GPR146: variants seen among roughly 807,000 people sequenced by gnomAD.
GPR146 encodes G-protein coupled receptor 146.
For synonymous variants in GPR146, 203 were observed against 104.3 expected (o/e 1.95, Z -5.77); for missense variants, 381 against 213.9 (o/e 1.78, Z -4.87).
At position 1,044,723 on chromosome 7, in the gene GPR146, G is replaced by A. The variant is rs368818160; in HGVS notation, c.-25+65G>A. 4 of 152,358 alleles carry A rather than the reference G, an allele frequency of 2.6e-5. No homozygotes were observed. The East Asian group carries it at 7.7e-4, about 29-fold the overall frequency. 9.4% of individuals were successfully genotyped at this position (152,358 alleles called of 1,614,324 possible). On this transcript the variant is annotated intron_variant, in intron 1 of 1. Coordinates refer to ENST00000444847, the MANE Select transcript of GPR146 (RefSeq NM_001303473.2). ...ACACCCCAGTCTCCGCCTGGGGAGGGAGCCAGCCCCAAGCTGCTGTGGCTC... is the reference window on the plus strand; with the variant it reads ...ACACCCCAGTCTCCGCCTGGGGAGGAAGCCAGCCCCAAGCTGCTGTGGCTC...
At chr7:1,050,891 T>C (rs926401956) in intron 1 of GPR146, among the ~76,000 whole-genome samples, 3 of 152,178 alleles carry the variant, frequency 2.0e-5, no homozygotes, top group Non-Finnish European at 2.9e-5. Context: ...GGAGAAACTC[T>C]ACCCCTGTCC....
intron 1 of GPR146, among the ~76,000 whole-genome samples, chr7:1,048,217 C>G (rs1182725554): frequency 6.6e-6 from 1 of 152,154 alleles, no homozygotes; most frequent in Non-Finnish European, 1.5e-5. Context: ...AGAGAGCACC[C>G]GGAAACTTCG....
At chr7:1,049,481 G>A (rs1416281621) in intron 1 of GPR146, among the ~76,000 whole-genome samples, 3 of 152,236 alleles carry the variant, frequency 2.0e-5, no homozygotes, top group African/African-American at 7.2e-5. Flanking sequence ...GTGCAAGCCA[G>A]GACTGGAAAA....
Position 1,057,728 on chromosome 7 carries a change from G to A in GPR146, c.213G>A (p.Val71=). ...ACGTGTACTTTGTCAACATGGCAGTGGCAGGCCTGGTGCTCAGCGCCCTGG... is the reference window on the plus strand; with the variant it reads ...ACGTGTACTTTGTCAACATGGCAGTAGCAGGCCTGGTGCTCAGCGCCCTGG... The part of the protein sequence containing the change: ...MPDVYFVNMA[V]AGLVLSALAP... The change falls in exon 2 of 2, where the codon GTG becomes GTA. Residue 71 remains valine (V), a synonymous_variant. Coordinates refer to ENST00000444847, the MANE Select transcript of GPR146 (RefSeq NM_001303473.2). The A allele has an allele frequency of 5.2e-6, 4 of 775,346 alleles. No homozygotes were observed. Among genetic ancestry groups the A allele is most frequent in the Non-Finnish European group, 7.2e-6 (3 of 417,532 alleles). 48.0% of individuals were successfully genotyped at this position (775,346 alleles called of 1,614,324 possible). A position where few individuals can be genotyped will look rare whatever the true frequency, so the allele number is the denominator to read the frequency against.
chr7:1,057,506 G>T lies in GPR146; in HGVS notation c.-10G>T. The T allele has an allele frequency of 1.3e-6, 1 of 759,268 alleles. No homozygotes were observed. Among genetic ancestry groups the T allele is most frequent in the Non-Finnish European group, 2.4e-6 (1 of 409,820 alleles). The allele number at this position is 759,268 out of a possible 1,614,324, so 47.0% of individuals were successfully genotyped here. A position where few individuals can be genotyped will look rare whatever the true frequency, so the allele number is the denominator to read the frequency against. On this transcript the variant is annotated 5_prime_UTR_variant, in exon 2 of 2. Transcript: ENST00000444847. ...TCTTTCCGCAGGGTCGCGGAGCCTCGCCGGCCGCCATGTGGAGCTGCAGCT... is the reference window on the plus strand; with the variant it reads ...TCTTTCCGCAGGGTCGCGGAGCCTCTCCGGCCGCCATGTGGAGCTGCAGCT...
Position 1,058,332 on chromosome 7 carries a change from C to T in GPR146, c.817C>T (p.Leu273=), listed in dbSNP as rs368354190. 2 of 777,902 alleles carry T rather than the reference C, an allele frequency of 2.6e-6. No individual in the cohort carries two copies. The highest frequency in any genetic ancestry group is 4.8e-6 in the Non-Finnish European group (2 of 418,102). The allele number at this position is 777,902 out of a possible 1,614,324, so 48.2% of individuals were successfully genotyped here. Residue 273 remains leucine, a synonymous_variant, in exon 2 of 2, where the codon CTA becomes TTA. Transcript: ENST00000444847. The stretch of plus-strand genomic sequence containing the variant: ...GCCCGTGGACGCACACTACCTGGGG[C>T]TACTGCACTTTGTGAAGGATTTCTC... ...GKPVDAHYLG[L]LHFVKDFSKL...
intron 1 of GPR146, among the ~76,000 whole-genome samples, chr7:1,047,153 G>A (rs1213087906): frequency 6.6e-6 from 1 of 152,234 alleles, no homozygotes; most frequent in Non-Finnish European, 1.5e-5. Context: ...ACAAAAGAAT[G>A]CTGTTCCACC....
intron 1 of GPR146, among the ~76,000 whole-genome samples, chr7:1,046,619 C>T (rs542033778): frequency 3.1e-4 from 47 of 152,240 alleles, no homozygotes; most frequent in African/African-American, 9.9e-4. Context: ...AGATGCTGCC[C>T]GGGACCAGAA....
At chr7:1,048,697 C>T (rs1000353609) in intron 1 of GPR146, among the ~76,000 whole-genome samples, 2 of 152,202 alleles carry the variant, frequency 1.3e-5, no homozygotes, top group Non-Finnish European at 1.5e-5. Context: ...AAGATGCCAA[C>T]GTCTCACTTG....
rs1782409722 is a variant in GPR146, at chr7:1,044,676, G to A, written c.-25+18G>A. 6.6e-6 allele frequency: 1 copy of A among 152,116 alleles called. No homozygotes were observed. Among genetic ancestry groups the A allele is most frequent in the South Asian group, 2.1e-4 (1 of 4,836 alleles). 9.4% of individuals were successfully genotyped at this position (152,116 alleles called of 1,614,324 possible). ...GCAAGCCGGTGAGTGGGGCCCGGGA[G>A]CCTGGGTCGGGTCGGTGGGGCACAC... On this transcript the variant is annotated intron_variant, in intron 1 of 1. Coordinates refer to ENST00000444847, the MANE Select transcript of GPR146 (RefSeq NM_001303473.2).
chr7:1,056,041 G>A (rs1223086611), intron 1 of GPR146: 1 of 153,440 alleles, frequency 6.5e-6, no homozygotes, highest in East Asian at 1.9e-4. Flanking sequence ...GCAGCAGGAG[G>A]GGAGAAGCCC....
intron 1 of GPR146, among the ~76,000 whole-genome samples, chr7:1,054,491 G>C (rs1357943191): frequency 6.6e-6 from 1 of 152,250 alleles, no homozygotes; most frequent in East Asian, 1.9e-4. Flanking sequence ...TCGAGAGCCG[G>C]TTCAGGGCGA....
rs201640274 is a variant in GPR146 at position 1,058,470 on chromosome 7, C to G, written c.955C>G (p.Arg319Gly). Residue 319 changes from arginine (R) to glycine (G), a missense_variant, in exon 2 of 2, where the codon CGG (arginine) becomes GGG (glycine). Coordinates refer to ENST00000444847, the MANE Select transcript of GPR146 (RefSeq NM_001303473.2). ...RLMKKLPCGD[R>G]HCSPDHMGVQ... Reference sequence around the variant, plus strand: ...GATGAAAAAGCTGCCCTGCGGGGACCGGCACTGCTCCCCGGACCACATGGG... The same window carrying G: ...GATGAAAAAGCTGCCCTGCGGGGACGGGCACTGCTCCCCGGACCACATGGG... 5.1e-6 allele frequency: 4 copies of G among 780,290 alleles called. No homozygotes were observed. The East Asian group carries it at 9.7e-5, about 19-fold the overall frequency. 48.3% of individuals were successfully genotyped at this position (780,290 alleles called of 1,614,324 possible). A position where few individuals can be genotyped will look rare whatever the true frequency, so the allele number is the denominator to read the frequency against.
At chr7:1,051,229 T>A (rs1279315752) in intron 1 of GPR146, among the ~76,000 whole-genome samples, 1 of 152,200 alleles carries the variant, frequency 6.6e-6, no homozygotes, top group Non-Finnish European at 1.5e-5. Context: ...CCATGAACAC[T>A]GTGTCCCAAC....
rs1021668895 is a variant in GPR146, at chr7:1,052,916, G to A, written c.-24-4576G>A. 1.3e-5 allele frequency among the ~76,000 whole-genome samples: 2 copies of A among 152,186 alleles called. No individual in the cohort carries two copies. The highest frequency in any genetic ancestry group is 2.4e-5 in the African/African-American group (1 of 41,442). On this transcript the variant is annotated intron_variant, in intron 1 of 1. Transcript: ENST00000444847. This position sits in a 1 kb window ranked among gnomAD's most constrained non-coding sequence, Gnocchi z 4.2. ...GCCGCCACAACAAACTCAGGCTTTCGTGTAGGAAAAGAGCCCACTTCTGAA... is the reference window on the plus strand; with the variant it reads ...GCCGCCACAACAAACTCAGGCTTTCATGTAGGAAAAGAGCCCACTTCTGAA...
intron 1 of GPR146, among the ~76,000 whole-genome samples, chr7:1,046,758 G>T (rs540570956): frequency 2.0e-5 from 3 of 152,292 alleles, no homozygotes; most frequent in South Asian, 2.1e-4. Context: ...CCACACCCAG[G>T]TCCCTTCCTG....
intron 1 of GPR146, among the ~76,000 whole-genome samples, chr7:1,051,145 G>A (rs763530588): frequency 1.9e-4 from 29 of 152,238 alleles, no homozygotes; most frequent in African/African-American, 6.3e-4. Context: ...TACAAGCAGC[G>A]TGTGGGCAGA....
intron 1 of GPR146, among the ~76,000 whole-genome samples, chr7:1,047,574 C>T (rs992261501): frequency 6.6e-6 from 1 of 152,228 alleles, no homozygotes; most frequent in African/African-American, 2.4e-5. Flanking sequence ...TTCATTACTA[C>T]AAAAGAAAAT....
At chr7:1,050,719 C>A (rs988048085) in intron 1 of GPR146, among the ~76,000 whole-genome samples, 10 of 152,202 alleles carry the variant, frequency 6.6e-5, no homozygotes, top group African/African-American at 2.4e-4. Context: ...AGAAAAGACC[C>A]CACCTTCTAT....
Sources: gnomAD v4.1 joint callset for allele counts (sites outside exome capture counted in the v4.1 genomes callset) on GRCh38, gnomAD v4.1.1 for gene constraint, Gnocchi (gnomAD v3.1) non-coding constraint, MANE v1.5 for transcripts, NCBI Gene and HGNC (gene_info 2026-07-23, HGNC 2026-07-21) for gene names.